DPH6: variants seen among roughly 807,000 people sequenced by gnomAD.
DPH6 encodes the protein diphthine--ammonia ligase.
Under a neutral mutation model 38.2 loss-of-function variants are expected in DPH6, and 33 were observed. That is an observed-to-expected ratio of 0.86 (90% CI 0.65 to 1.15). The LOEUF (loss-of-function observed/expected upper bound fraction) is 1.15. Ranked by LOEUF, DPH6 falls within the 50% of genes most tolerant of loss-of-function variation. DPH6 has a pLI of 0.00. For synonymous variants in DPH6, 108 were observed against 103.0 expected (o/e 1.05, Z -0.30); for missense variants, 325 against 320.0 (o/e 1.02, Z -0.12).
At chr15:35,252,598 G>A (rs577750724) in intron 3 of DPH6, among the ~76,000 whole-genome samples, 5 of 152,320 alleles carry the variant, frequency 3.3e-5, no homozygotes, top group South Asian at 2.1e-4. Flanking sequence ...GTTATATAAC[G>A]TGACACAGTA....
chr15:35,294,256 T>C (rs1394630044), intron 3 of DPH6, among the ~76,000 whole-genome samples: 2 of 152,240 alleles, frequency 1.3e-5, no homozygotes, highest in East Asian at 3.8e-4. Context: ...TGAAGAACTA[T>C]AACAATTGTT....
intron 3 of DPH6, among the ~76,000 whole-genome samples, chr15:35,362,658 A>C (rs147960177): frequency 6.6e-6 from 1 of 152,182 alleles, no homozygotes; most frequent in Non-Finnish European, 1.5e-5. Context: ...TCATTGCCCC[A>C]AAGAGTTGGA....
chr15:35,454,719 T>C, intron 4 of DPH6, 28 bp downstream of exon 4: 1 of 1,569,494 alleles, frequency 6.4e-7, no homozygotes, highest in East Asian at 2.3e-5. Flanking sequence ...CATACACTTT[T>C]AAAACTAACA....
intron 6 of DPH6, among the ~76,000 whole-genome samples, chr15:35,405,817 G>A (rs1451322473): frequency 6.6e-6 from 1 of 152,012 alleles, no homozygotes; most frequent in Non-Finnish European, 1.5e-5. Context: ...CATTCAGTAT[G>A]ATACTCGCTG....
intron 7 of DPH6, among the ~76,000 whole-genome samples, chr15:35,379,429 C>T (rs1243693797): frequency 6.6e-6 from 1 of 152,060 alleles, no homozygotes; most frequent in Non-Finnish European, 1.5e-5. Flanking sequence ...AAATCTGTCC[C>T]CAAAATGAAT....
At chr15:35,386,803 C>T (rs891884989) in intron 6 of DPH6, among the ~76,000 whole-genome samples, 1 of 152,126 alleles carries the variant, frequency 6.6e-6, no homozygotes, top group African/African-American at 2.4e-5. Flanking sequence ...CCTGTTCACA[C>T]TGATGGTGGT....
intron 3 of DPH6, among the ~76,000 whole-genome samples, chr15:35,287,754 T>C (rs888562559): frequency 5.3e-5 from 8 of 152,176 alleles, no homozygotes; most frequent in Non-Finnish European, 1.2e-4. Context: ...AACCCACAAA[T>C]GTTCAACTGT....
downstream of DPH6, among the ~76,000 whole-genome samples, chr15:35,368,943 G>A (rs542815641): frequency 2.6e-5 from 4 of 151,790 alleles, no homozygotes; most frequent in South Asian, 6.2e-4. Context: ...AAGTAAACTT[G>A]CAGAAAATAC....
At chr15:35,317,677 G>A (rs981866910) in intron 3 of DPH6, among the ~76,000 whole-genome samples, 18 of 151,620 alleles carry the variant, frequency 1.2e-4, no homozygotes, top group East Asian at 1.9e-4. Context: ...ATAAAAATGT[G>A]GGTGAATATA....
At chr15:35,324,278 A>T (rs746247781) in intron 3 of DPH6, among the ~76,000 whole-genome samples, 5 of 152,212 alleles carry the variant, frequency 3.3e-5, no homozygotes, top group Non-Finnish European at 7.4e-5. Context: ...TAGTAGAGAT[A>T]TAAGTGTATT....
At chr15:35,465,096 A>G (rs1472031882) in intron 3 of DPH6, among the ~76,000 whole-genome samples, 5 of 152,212 alleles carry the variant, frequency 3.3e-5, no homozygotes, top group African/African-American at 4.8e-5. Flanking sequence ...AGGTAAATTG[A>G]AAACAAGTGG....
chr15:35,412,081 G>A (rs2053373821), intron 5 of DPH6, among the ~76,000 whole-genome samples: 2 of 151,666 alleles, frequency 1.3e-5, no homozygotes, highest in African/African-American at 4.8e-5. Context: ...GCCACAGACT[G>A]GGAGAAAATA....
chr15:35,158,373 C>T, the DPH6 span, among the ~76,000 whole-genome samples: 1 of 152,018 alleles, frequency 6.6e-6, no homozygotes, highest in East Asian at 1.9e-4. Flanking sequence ...TAATGGTTTT[C>T]ATGGAATTAG....
At chr15:35,227,044 C>T (rs2051486503) in intron 3 of DPH6, among the ~76,000 whole-genome samples, 1 of 151,972 alleles carries the variant, frequency 6.6e-6, no homozygotes, top group Non-Finnish European at 1.5e-5. Context: ...CTTCCTGTTT[C>T]AATCTTGGTA....
the DPH6 span, among the ~76,000 whole-genome samples, chr15:35,145,741 AC>A: frequency 4.9e-4 from 75 of 152,284 alleles, no homozygotes; most frequent in African/African-American, 1.6e-3. Context: ...TGGGGTAGTA[AC>A]CTTAGCCAGC....
At chr15:35,394,798 C>T (rs912574613) in intron 6 of DPH6, among the ~76,000 whole-genome samples, 4 of 152,112 alleles carry the variant, frequency 2.6e-5, no homozygotes, top group Admixed American at 6.6e-5. Flanking sequence ...CCAAAAGTGC[C>T]GTCTAGCACA....
At chr15:35,532,466 T>C (rs73382797) in intron 3 of DPH6, among the ~76,000 whole-genome samples, 11,861 of 152,030 alleles carry the variant, frequency 0.078, 576 homozygotes, top group African/African-American at 0.14. Flanking sequence ...GGAGCTATAA[T>C]GGTGATGGTT....
At position 35,430,323 on chromosome 15, in the gene DPH6, G is replaced by A. The variant is rs542487481; in HGVS notation, c.506-19427C>T. On this transcript the variant is annotated intron_variant, in intron 5 of 8. Coordinates refer to ENST00000256538, the MANE Select transcript of DPH6 (RefSeq NM_080650.4). ...ATAAAGTACCTATGGTTATTTACCT[G>A]AAAGATAAATAGGCAACTTGTACTT... 4.0e-5 allele frequency among the ~76,000 whole-genome samples: 6 copies of A among 149,672 alleles called. No individual in the cohort carries two copies. The East Asian group carries it at 1.2e-3, about 29-fold the overall frequency.
rs575529478 is a variant in DPH6, at chr15:35,542,693, G to A, written c.24-186C>T. Among the ~76,000 whole-genome samples the A allele has an allele frequency of 8.7e-5, 13 of 149,514 alleles. 1 individual carries two copies. The highest frequency in any genetic ancestry group is 5.9e-4 in the East Asian group (3 of 5,124). ...CAACCGAATCTGAATGTCTAGGGCTGCTACTCACAGGAGCTTAAGAAACTA... is the reference window on the plus strand; with the variant it reads ...CAACCGAATCTGAATGTCTAGGGCTACTACTCACAGGAGCTTAAGAAACTA... On this transcript the variant is annotated intron_variant, in intron 1 of 8. Transcript: ENST00000256538.
Sources: allele counts gnomAD v4.1 joint callset (sites outside exome capture counted in the v4.1 genomes callset), GRCh38; gene constraint gnomAD v4.1.1; transcripts MANE v1.5; gene names NCBI Gene and HGNC (gene_info 2026-07-23, HGNC 2026-07-21).